Variants in IPPK observed in about 807,000 individuals in gnomAD.
IPPK encodes the protein IPK1 homolog.
In IPPK, 22 loss-of-function variants were observed where a neutral mutation model predicts 64.6. The observed-to-expected ratio is 0.34, with a 90% CI of 0.24 to 0.49. The LOEUF (loss-of-function observed/expected upper bound fraction) is 0.49, where lower values mean the gene tolerates loss of function less well. IPPK is among the 20% of genes least tolerant of loss of function. The pLI, the probability that IPPK is intolerant of heterozygous loss-of-function variation, is 0.99. For missense variants in IPPK, 532 were observed against 630.7 expected (o/e 0.84, Z 1.68); for synonymous variants, 262 against 247.2 (o/e 1.06, Z -0.56).
At position 92,619,552 on chromosome 9, in the gene IPPK, C is replaced by T; in HGVS notation, c.1184G>A (p.Arg395His). Residue 395 changes from arginine to histidine, a missense_variant, in exon 12 of 13, where the codon CGC becomes CAC. By Grantham distance (29) the Arg-to-His change is conservative. Transcript: ENST00000287996. ...AFALTKVQQY[R>H]VAMTAKDCSI... The stretch of plus-strand genomic sequence containing the variant: ...GCAGTCCTTGGCAGTCATGGCGACG[C>T]GGTACTGCTGCACCTGCAGGGGCGG... 2.5e-6 allele frequency: 4 copies of T among 1,585,548 alleles called. No individual in the cohort carries two copies. Among genetic ancestry groups the T allele is most frequent in the Non-Finnish European group, 2.6e-6 (3 of 1,166,008 alleles).
rs1244000673 is a variant in IPPK, at chr9:92,615,810, C to CAAAG, written c.*18_*21dup. 1 of 1,554,412 alleles carries CAAAG rather than the reference C, an allele frequency of 6.4e-7. No individual in the cohort carries two copies. Among genetic ancestry groups the CAAAG allele is most frequent in the Non-Finnish European group, 8.9e-7 (1 of 1,126,160 alleles). On this transcript the variant is annotated 3_prime_UTR_variant, in exon 13 of 13. Transcript: ENST00000287996. ...CAGCCTTCACATTATGTTCAAGTTT[C>CAAAG]AAAGACACTGCAGGGAAAGAGTTAG... is the stretch of plus-strand genomic sequence containing the variant.
intron 11 of IPPK, chr9:92,619,911 C>T (rs989719261): frequency 4.1e-5 from 13 of 319,892 alleles, no homozygotes; most frequent in South Asian, 1.2e-4. Flanking sequence ...CACCTGAGCC[C>T]CGCATGTTGG....
chr9:92,634,633 T>C, intron 10 of IPPK, 145 bp from the exon 11 acceptor site: 2 of 639,124 alleles, frequency 3.1e-6, no homozygotes, highest in Non-Finnish European at 5.6e-6. Flanking sequence ...CTCCCTCATG[T>C]TAAACATCAA....
In IPPK at chr9:92,614,090, G is replaced by GT. The variant is rs1285410920; in HGVS notation, c.*1741dup. On this transcript the variant is annotated 3_prime_UTR_variant, in exon 13 of 13. Transcript: ENST00000287996. ...TTCTCTTCTCCCTCAAATACAGGCTGTTTTCATCGTGTCTAGTCCAGCCCT... is the reference window on the plus strand; with the variant it reads ...TTCTCTTCTCCCTCAAATACAGGCTGTTTTTCATCGTGTCTAGTCCAGCCCT... 1.3e-5 allele frequency: 2 copies of GT among 152,406 alleles called. No homozygotes were observed. The highest frequency in any genetic ancestry group is 1.9e-4 in the East Asian group (1 of 5,186). 9.4% of individuals were successfully genotyped at this position (152,406 alleles called of 1,614,324 possible).
chr9:92,650,523 C>G (rs1295762594), intron 4 of IPPK, among the ~76,000 whole-genome samples: 1 of 152,034 alleles, frequency 6.6e-6, no homozygotes, highest in Non-Finnish European at 1.5e-5. Context: ...GGTGGGCACA[C>G]TCCATATGGG....
chr9:92,642,678 C>A (rs993875228), intron 7 of IPPK, 74 bp downstream of exon 7: 70 of 1,302,182 alleles, frequency 5.4e-5, no homozygotes, highest in East Asian at 9.2e-5. Context: ...ATACCCCCCA[C>A]CAGGCACTGG....
At chr9:92,640,857 G>C in intron 7 of IPPK, 75 bp from the exon 8 acceptor site, 4 of 1,041,090 alleles carry the variant, frequency 3.8e-6, no homozygotes, top group Non-Finnish European at 6.0e-6. Flanking sequence ...CCTGCTCGTG[G>C]CTCAGAGGAC....
At chr9:92,630,341 C>T (rs901453027) in intron 11 of IPPK, among the ~76,000 whole-genome samples, 3 of 152,096 alleles carry the variant, frequency 2.0e-5, no homozygotes, top group East Asian at 1.9e-4. Context: ...AAGTCTACAG[C>T]GATAGAAAGT....
intron 1 of IPPK, among the ~76,000 whole-genome samples, chr9:92,666,703 G>C (rs1000880738): frequency 2.0e-5 from 3 of 152,188 alleles, no homozygotes; most frequent in African/African-American, 7.2e-5. Flanking sequence ...CAAACTGACA[G>C]GCAAAATGAG....
chr9:92,663,979 A>C (rs1359057383), intron 1 of IPPK, among the ~76,000 whole-genome samples: 1 of 152,218 alleles, frequency 6.6e-6, no homozygotes, highest in African/African-American at 2.4e-5. Flanking sequence ...AATTGTGAAG[A>C]TGACTCCCAG....
At chr9:92,636,653 AT>A (rs1385417886) in intron 9 of IPPK, among the ~76,000 whole-genome samples, 8 of 131,008 alleles carry the variant, frequency 6.1e-5, no homozygotes, top group African/African-American at 1.9e-4. Flanking sequence ...AAAATAATTA[AT>A]TTAAAAAAAA....
intron 1 of IPPK, among the ~76,000 whole-genome samples, chr9:92,661,999 A>G (rs1344136030): frequency 6.6e-6 from 1 of 152,184 alleles, no homozygotes; most frequent in Non-Finnish European, 1.5e-5. Context: ...GAAAGACACA[A>G]TGAGTCCAAG....
intron 11 of IPPK, 62 bp from the exon 12 acceptor site, chr9:92,619,627 C>G (rs1851560176): frequency 7.0e-7 from 1 of 1,420,240 alleles, no homozygotes; most frequent in East Asian, 2.5e-5. Flanking sequence ...CCCACACAAC[C>G]TTCCTTCCCA....
At chr9:92,669,014 A>C (rs1852665925) in intron 1 of IPPK, among the ~76,000 whole-genome samples, 1 of 152,210 alleles carries the variant, frequency 6.6e-6, no homozygotes, top group Non-Finnish European at 1.5e-5. Context: ...TGCTAAGCAT[A>C]ACTTGATGGG....
At chr9:92,649,247 C>T (rs1334354917) in intron 5 of IPPK, among the ~76,000 whole-genome samples, 2 of 152,122 alleles carry the variant, frequency 1.3e-5, no homozygotes, top group African/African-American at 4.8e-5. Context: ...AGGAATGAGC[C>T]TAAACCTGGG....
Position 92,635,123 on chromosome 9 carries a change from C to A in IPPK, c.1067+35G>T. 6.3e-7 allele frequency: 1 copy of A among 1,590,262 alleles called. No homozygotes were observed. The highest frequency in any genetic ancestry group is 1.1e-5 in the South Asian group (1 of 88,448). On this transcript the variant is annotated intron_variant, in intron 10 of 12. Coordinates refer to ENST00000287996, the MANE Select transcript of IPPK (RefSeq NM_022755.6). The surrounding 1 kb of genome is among the most constrained non-coding windows in gnomAD (Gnocchi z 4.4). ...CCTGCCCACTCCCACAGTCTCCTCT[C>A]AGGGCTGCCCAACAGGGGGACCGCC...
chr9:92,629,853 C>T (rs1052316425), intron 11 of IPPK, among the ~76,000 whole-genome samples: 2 of 152,156 alleles, frequency 1.3e-5, no homozygotes, highest in Admixed American at 6.5e-5. Flanking sequence ...TGCACACTCT[C>T]GACGACGGCT....
intron 6 of IPPK, among the ~76,000 whole-genome samples, chr9:92,647,069 T>C (rs1271900325): frequency 6.6e-6 from 1 of 151,966 alleles, no homozygotes; most frequent in African/African-American, 2.4e-5. Flanking sequence ...TATGACACAA[T>C]CCTGTGGCTA....
chr9:92,635,168 G>C lies in IPPK; in HGVS notation c.1057C>G (p.Pro353Ala). The part of the protein sequence containing the change: ...NRVERYLEEF[P>A]EERKTLQIDG... ...ACCGCCCGACCTCACCTCTCCTCGGGAAACTCTTCCAGGTATCGCTCAACC... is the reference window on the plus strand; with the variant it reads ...ACCGCCCGACCTCACCTCTCCTCGGCAAACTCTTCCAGGTATCGCTCAACC... The change falls in exon 10 of 13, where the codon CCC (proline) becomes GCC (alanine). Residue 353 changes from proline (P) to alanine (A), a missense_variant. Transcript: ENST00000287996. The surrounding 1 kb of genome is among the most constrained non-coding windows in gnomAD (Gnocchi z 4.4). 6.2e-7 allele frequency: 1 copy of C among 1,612,650 alleles called. No individual in the cohort carries two copies. The highest frequency in any genetic ancestry group is 8.5e-7 in the Non-Finnish European group (1 of 1,179,202).
Sources: gnomAD v4.1 joint callset for allele counts (sites outside exome capture counted in the v4.1 genomes callset) on GRCh38, gnomAD v4.1.1 for gene constraint, Gnocchi (gnomAD v3.1) non-coding constraint, MANE v1.5 for transcripts, NCBI Gene and HGNC (gene_info 2026-07-23, HGNC 2026-07-21) for gene names.